The following STX18 variants were observed in gnomAD, a reference collection of about 807,000 sequenced individuals.
STX18 encodes syntaxin 18.
In STX18, 40 loss-of-function variants were observed where a neutral mutation model predicts 50.1. The ratio of observed to expected loss-of-function variants is 0.80; its 90% confidence interval spans 0.62 to 1.04. The LOEUF (loss-of-function observed/expected upper bound fraction) is 1.04, where lower values mean the gene tolerates loss of function less well. Among genes scored for constraint, STX18 ranks in the 50% least tolerant of loss-of-function variants. The pLI, the probability that STX18 is intolerant of heterozygous loss-of-function variation, is 0.00. For missense variants in STX18, 410 were observed against 415.8 expected (o/e 0.99, Z 0.12); for synonymous variants, 158 against 151.8 (o/e 1.04, Z -0.30).
chr4:4,448,177 C>T (rs1239821189), intron 5 of STX18, among the ~76,000 whole-genome samples: 2 of 152,190 alleles, frequency 1.3e-5, no homozygotes, highest in African/African-American at 2.4e-5. Flanking sequence ...TGTCAGGTTA[C>T]TCCAGCAATT....
chr4:4,531,341 C>T (rs142678737), intron 1 of STX18, among the ~76,000 whole-genome samples: 1,842 of 152,244 alleles, frequency 0.012, 15 homozygotes, highest in Middle Eastern at 0.058. Context: ...TTCTATTTAT[C>T]CAAATCTTCT....
chr4:4,541,724 G>C (rs572476926), intron 1 of STX18, 73 bp downstream of exon 1: 1 of 1,528,986 alleles, frequency 6.5e-7, no homozygotes, highest in African/African-American at 1.4e-5. Flanking sequence ...GACGGGGTCT[G>C]GTTTGGGGCC....
intron 4 of STX18, 24 bp downstream of exon 4, chr4:4,457,399 G>C (rs373971847): frequency 1.2e-6 from 2 of 1,600,992 alleles, no homozygotes; most frequent in African/African-American, 2.7e-5. Context: ...TGTTACATTT[G>C]ACCTTTAAAA....
chr4:4,520,639 G>T (rs1401290944), intron 1 of STX18, among the ~76,000 whole-genome samples: 8 of 152,084 alleles, frequency 5.3e-5, no homozygotes, highest in Non-Finnish European at 1.0e-4. Context: ...TACTTGTTCA[G>T]ACAGTCTAGC....
chr4:4,533,510 G>A (rs541264560), intron 1 of STX18, among the ~76,000 whole-genome samples: 1 of 152,292 alleles, frequency 6.6e-6, no homozygotes. Context: ...CTGACCTATA[G>A]CAGAAGCTCA....
chr4:4,452,470 G>T (rs917791752), intron 5 of STX18, among the ~76,000 whole-genome samples: 4 of 152,212 alleles, frequency 2.6e-5, no homozygotes, highest in African/African-American at 9.6e-5. Flanking sequence ...TGCTTCAAAG[G>T]ATAGGGTGAC....
rs73796033 is a variant in STX18, at chr4:4,502,136, T to C, written c.169-30430A>G. 8.4e-3 allele frequency among the ~76,000 whole-genome samples: 1,273 copies of C among 152,284 alleles called. 15 individuals are homozygous for C. The highest frequency in any genetic ancestry group is 0.029 in the African/African-American group (1,214 of 41,544). On this transcript the variant is annotated intron_variant, in intron 1 of 10. Coordinates refer to ENST00000306200, the MANE Select transcript of STX18 (RefSeq NM_016930.4). Reference sequence around the variant, plus strand: ...ACACAAAGACCTCTATTAGGTGTAATATACCTAAAAGTATCTGCCAGATAC... The same window carrying C: ...ACACAAAGACCTCTATTAGGTGTAACATACCTAAAAGTATCTGCCAGATAC...
Position 4,423,619 on chromosome 4 carries a change from AT to A in STX18, c.762-33del, listed in dbSNP as rs1488490408. ...AAAAAGAACAGATTACATATTAACT[AT>A]TAGCACTTGGTAATCTAACAGGACT... On this transcript the variant is annotated intron_variant, in intron 8 of 10. Coordinates refer to ENST00000306200, the MANE Select transcript of STX18 (RefSeq NM_016930.4). The A allele has an allele frequency of 6.9e-6, 11 of 1,601,630 alleles. No homozygotes were observed. In the Admixed American group the frequency reaches 8.3e-5, roughly 12 times the overall value.
rs1414449617 is a variant in STX18, at chr4:4,423,378, T to TGC, written c.831+138_831+139dup. On this transcript the variant is annotated intron_variant, in intron 9 of 10. Transcript: ENST00000306200. ...GTGAGAGCTTTTCCCTGAGGAGCTC[T>TGC]GCGCACACACACCTGCTAGCAACAC... The TGC allele has an allele frequency of 7.4e-6, 6 of 809,090 alleles. No individual in the cohort carries two copies. The East Asian group carries it at 1.6e-4, about 21-fold the overall frequency. The allele number at this position is 809,090 out of a possible 1,614,324, so 50.1% of individuals were successfully genotyped here. A position where few individuals can be genotyped will look rare whatever the true frequency, so the allele number is the denominator to read the frequency against.
chr4:4,486,525 T>C (rs1295587709), intron 1 of STX18, among the ~76,000 whole-genome samples: 2 of 152,322 alleles, frequency 1.3e-5, no homozygotes, highest in East Asian at 3.9e-4. Flanking sequence ...AGAAGAATTG[T>C]AAGGGCTTTT....
chr4:4,484,016 C>T (rs929335032), intron 1 of STX18, among the ~76,000 whole-genome samples: 4 of 152,002 alleles, frequency 2.6e-5, no homozygotes, highest in Admixed American at 6.6e-5. Context: ...TGCGTGCCAC[C>T]ATGCCCAGCT....
At chr4:4,447,249 C>A (rs960559034) in intron 5 of STX18, among the ~76,000 whole-genome samples, 27 of 152,054 alleles carry the variant, frequency 1.8e-4, no homozygotes, top group African/African-American at 6.3e-4. Flanking sequence ...TTTCCAGTTA[C>A]TAAATGACAA....
intron 1 of STX18, among the ~76,000 whole-genome samples, chr4:4,505,999 A>C (rs1729689563): frequency 6.6e-6 from 1 of 152,212 alleles, no homozygotes; most frequent in African/African-American, 2.4e-5. Context: ...AGGTACCAGT[A>C]CTTCATTTTT....
chr4:4,421,021 T>C (rs1317071012), intron 9 of STX18, 77 bp from the exon 10 acceptor site: 2 of 1,381,752 alleles, frequency 1.4e-6, no homozygotes, highest in Non-Finnish European at 2.1e-6. Flanking sequence ...CAACGAGCAT[T>C]TCCTTTGAGT....
chr4:4,447,592 C>CAAAAAAAAAAAAAA (rs34300930), intron 5 of STX18, among the ~76,000 whole-genome samples: 2 of 45,904 alleles, frequency 4.4e-5, no homozygotes, highest in Non-Finnish European at 4.0e-5. Flanking sequence ...CTCCGTCTCA[C>CAAAAAAAAAAAAAA]AAAAAAAAAA....
intron 8 of STX18, among the ~76,000 whole-genome samples, chr4:4,424,918 G>A (rs1327567448): frequency 1.3e-5 from 2 of 152,176 alleles, no homozygotes; most frequent in South Asian, 2.1e-4. Context: ...TGTATCTCTC[G>A]GGGTGGGAAG....
intron 1 of STX18, among the ~76,000 whole-genome samples, chr4:4,510,934 A>T (rs914485376): frequency 6.6e-6 from 1 of 151,732 alleles, no homozygotes; most frequent in Non-Finnish European, 1.5e-5. Context: ...GTTCTCACTC[A>T]TAAGTGGGAA....
chr4:4,492,280 G>A (rs987426030), intron 1 of STX18, among the ~76,000 whole-genome samples: 11 of 151,896 alleles, frequency 7.2e-5, no homozygotes, highest in African/African-American at 1.2e-4. Context: ...ACCTTCTTTC[G>A]AACAGAAAGA....
At chr4:4,529,614 A>C (rs913142982) in intron 1 of STX18, among the ~76,000 whole-genome samples, 2 of 152,200 alleles carry the variant, frequency 1.3e-5, no homozygotes, top group African/African-American at 4.8e-5. Context: ...ACACCTGTGC[A>C]TGCCCAAGAG....
Sources: gnomAD v4.1 joint callset for allele counts (sites outside exome capture counted in the v4.1 genomes callset) on GRCh38, gnomAD v4.1.1 for gene constraint, MANE v1.5 for transcripts, NCBI Gene and HGNC (gene_info 2026-07-23, HGNC 2026-07-21) for gene names.